The following KLKB1 variants were observed in gnomAD, a reference collection of about 807,000 sequenced individuals.
KLKB1 encodes kallikrein B1.
A neutral mutation model predicts 73.6 loss-of-function variants in KLKB1; 58 were observed. The ratio of observed to expected loss-of-function variants is 0.79; its 90% CI spans 0.64 to 0.98. KLKB1 has a LOEUF of 0.98. KLKB1 is among the 50% of genes least tolerant of loss of function. The pLI, the probability that KLKB1 is intolerant of heterozygous loss-of-function variation, is 0.00. For missense variants in KLKB1, 737 were observed against 763.8 expected, an observed-to-expected ratio of 0.96 and a Z score of 0.41; for synonymous variants, 280 against 258.1, an observed-to-expected ratio of 1.08 and a Z score of -0.81.
At chr4:186,226,403 A>C (rs956415526), upstream of KLKB1, 1 of 152,280 alleles carries the variant, frequency 6.6e-6, no homozygotes, top group Admixed American at 6.5e-5. Context: ...TTCAGCAGAG[A>C]AAGCCATTCA....
chr4:186,237,262 C>G (rs1737744845), intron 5 of KLKB1, among the ~76,000 whole-genome samples: 2 of 152,182 alleles, frequency 1.3e-5, no homozygotes, highest in Non-Finnish European at 2.9e-5. Flanking sequence ...CCATGCCTGG[C>G]TAATTTTTGT....
At chr4:186,215,437 C>A (rs948313815) in intron 2 of KLKB1, among the ~76,000 whole-genome samples, 2 of 146,770 alleles carry the variant, frequency 1.4e-5, no homozygotes, top group African/African-American at 5.0e-5. Context: ...CTCTCTCTCT[C>A]CTTGCTTGCT....
At chr4:186,215,262 A>AG (rs923108228) in intron 2 of KLKB1, among the ~76,000 whole-genome samples, 5 of 148,896 alleles carry the variant, frequency 3.4e-5, no homozygotes, top group African/African-American at 1.2e-4. Context: ...AAAAAAAAAT[A>AG]TGTAGGCACA....
chr4:186,214,395 G>A (rs1038763170), intron 2 of KLKB1, among the ~76,000 whole-genome samples: 1 of 152,158 alleles, frequency 6.6e-6, no homozygotes, highest in African/African-American at 2.4e-5. Context: ...GTGTGTGTCA[G>A]GTCAGCCGAA....
intron 4 of KLKB1, among the ~76,000 whole-genome samples, chr4:186,234,724 C>G (rs898480261): frequency 1.3e-5 from 2 of 152,152 alleles, no homozygotes; most frequent in Non-Finnish European, 2.9e-5. Flanking sequence ...GACTAGGATG[C>G]TAGAGAACTT....
rs769546755 is a variant in KLKB1, at chr4:186,254,781, G to A, written c.1489+18G>A. On this transcript the variant is annotated intron_variant, in intron 12 of 14. Transcript: ENST00000264690. ...TTACACTGGTATGTAGCATATGTAA[G>A]AAGGTGGAGAGCAGAATTGCGCTGG... 6.2e-7 allele frequency: 1 copy of A among 1,600,842 alleles called. No homozygotes were observed. Among genetic ancestry groups the A allele is most frequent in the Non-Finnish European group, 8.6e-7 (1 of 1,168,106 alleles).
chr4:186,218,779 T>C (rs1736966653), intron 2 of KLKB1, among the ~76,000 whole-genome samples: 1 of 152,066 alleles, frequency 6.6e-6, no homozygotes, highest in Admixed American at 6.6e-5. Flanking sequence ...ACAGAACTAA[T>C]AGGATAGATG....
intron 6 of KLKB1, among the ~76,000 whole-genome samples, chr4:186,238,946 C>T (rs1238496665): frequency 1.4e-5 from 2 of 139,542 alleles, no homozygotes; most frequent in Admixed American, 7.4e-5. Flanking sequence ...TTATAGGAAA[C>T]TAGTACAGTG....
intron 7 of KLKB1, among the ~76,000 whole-genome samples, chr4:186,250,785 G>T (rs1738627081): frequency 6.6e-6 from 1 of 152,184 alleles, no homozygotes; most frequent in Admixed American, 6.5e-5. Flanking sequence ...CTTTGTTTCA[G>T]AAACTAGAGC....
chr4:186,220,457 C>A (rs1423881911), intron 2 of KLKB1, among the ~76,000 whole-genome samples: 1 of 152,162 alleles, frequency 6.6e-6, no homozygotes, highest in Admixed American at 6.5e-5. Context: ...ACCTTTTGAC[C>A]AAAACCACCC....
At position 186,251,295 on chromosome 4, in the gene KLKB1, T is replaced by G; in HGVS notation, c.835T>G (p.Tyr279Asp). The change falls in exon 8 of 15, where the codon TAT (tyrosine) becomes GAT (aspartate). Residue 279 changes from tyrosine to aspartate, a missense_variant. By Grantham distance (160) the Tyr-to-Asp change is radical (BLOSUM62 -3). Coordinates refer to ENST00000264690, the MANE Select transcript of KLKB1 (RefSeq NM_000892.5). Reference sequence around the variant, plus strand: ...TCCTCAAGAAAACACCATATCTGGATATAGCCTTTTAACCTGCAAAAGAAC... The same window carrying G: ...TCCTCAAGAAAACACCATATCTGGAGATAGCCTTTTAACCTGCAAAAGAAC... ...STPQENTISG[Y>D]SLLTCKRTLP... is the part of the protein sequence containing the mutation. 6.2e-7 allele frequency: 1 copy of G among 1,610,916 alleles called. No individual in the cohort carries two copies. Among genetic ancestry groups the G allele is most frequent in the South Asian group, 1.1e-5 (1 of 90,960 alleles).
At chr4:186,246,643 A>C (rs1738371489) in intron 6 of KLKB1, among the ~76,000 whole-genome samples, 1 of 152,112 alleles carries the variant, frequency 6.6e-6, no homozygotes, top group South Asian at 2.1e-4. Context: ...AGGGAGAAGA[A>C]GGAGGAATGG....
intron 2 of KLKB1, among the ~76,000 whole-genome samples, chr4:186,230,996 G>T (rs949264920): frequency 6.6e-6 from 1 of 152,108 alleles, no homozygotes; most frequent in Non-Finnish European, 1.5e-5. Flanking sequence ...CCCGAGAGGT[G>T]GTCATCTTGG....
chr4:186,257,352 A>G lies in KLKB1; in HGVS notation c.1712A>G (p.Lys571Arg). Residue 571 changes from lysine to arginine, a missense_variant, in exon 14 of 15, where the codon AAA (lysine) becomes AGA (arginine). Transcript: ENST00000264690. ...TGTGCTGGCTATAAAGAAGGGGGAA[A>G]AGATGCTTGTAAGGTAACTCATGAG... is the stretch of plus-strand genomic sequence containing the variant. ...MVCAGYKEGG[K>R]DACKGDSGGP... is the part of the protein sequence containing the mutation. 1 of 1,589,900 alleles carries G rather than the reference A, an allele frequency of 6.3e-7. No individual in the cohort carries two copies. The highest frequency in any genetic ancestry group is 2.3e-5 in the East Asian group (1 of 43,882).
In KLKB1 at chr4:186,251,496, A is replaced by G; in HGVS notation, c.878A>G (p.His293Arg). 6.2e-7 allele frequency: 1 copy of G among 1,613,836 alleles called. No individual in the cohort carries two copies. Among genetic ancestry groups the G allele is most frequent in the East Asian group, 2.2e-5 (1 of 44,868 alleles). Residue 293 changes from histidine to arginine, a missense_variant, in exon 9 of 15, where the codon CAT becomes CGT. By Grantham distance (29) the His-to-Arg change is conservative. Transcript: ENST00000264690. ...TCKRTLPEPC[H>R]SKIYPGVDFG... ...TTTATAATTGACACAGAACCCTGCCATTCTAAAATTTACCCGGGAGTTGAC... is the reference window on the plus strand; with the variant it reads ...TTTATAATTGACACAGAACCCTGCCGTTCTAAAATTTACCCGGGAGTTGAC...
At position 186,256,076 on chromosome 4, in the gene KLKB1, C is replaced by T. The variant is rs200977094; in HGVS notation, c.1574C>T (p.Ser525Leu). 1.7e-5 allele frequency: 28 copies of T among 1,604,488 alleles called. No individual in the cohort carries two copies. Among genetic ancestry groups the T allele is most frequent in the East Asian group, 2.2e-5 (1 of 44,820 alleles). Residue 525 changes from serine to leucine, a missense_variant, in exon 13 of 15, where the codon TCG (serine) becomes TTG (leucine). Physicochemically the swap from Ser to Leu is moderately radical, Grantham distance 145. Coordinates refer to ENST00000264690, the MANE Select transcript of KLKB1 (RefSeq NM_000892.5). ...TGTTGGGTAACCGGATGGGGCTTCTCGAAGGAGAAAGGTAAGCATGACGCT... is the reference window on the plus strand; with the variant it reads ...TGTTGGGTAACCGGATGGGGCTTCTTGAAGGAGAAAGGTAAGCATGACGCT... Reference protein sequence around the residue: ...TNCWVTGWGFSKEKGEIQNIL... With the variant: ...TNCWVTGWGFLKEKGEIQNIL...
rs142304505 is a variant in KLKB1 at position 186,238,319 on chromosome 4, C to T, written c.552C>T (p.Asn184=). ...CTACCGCTATAAAGGTGCTGAGTAACGTGGAATCTGGATTCTCACTGAAGC... is the reference window on the plus strand; with the variant it reads ...CTACCGCTATAAAGGTGCTGAGTAATGTGGAATCTGGATTCTCACTGAAGC... ...GTPTAIKVLS[N]VESGFSLKPC... Residue 184 remains asparagine (N), a synonymous_variant, in exon 6 of 15, where the codon AAC becomes AAT. Transcript: ENST00000264690. 1,078 of 1,613,920 alleles carry T rather than the reference C, an allele frequency of 6.7e-4. 9 individuals are homozygous for T. In the African/African-American group the frequency reaches 0.013, roughly 19 times the overall value.
upstream of KLKB1, among the ~76,000 whole-genome samples, chr4:186,222,445 G>A (rs999303968): frequency 6.6e-6 from 1 of 151,826 alleles, no homozygotes; most frequent in African/African-American, 2.4e-5. Context: ...CTTTTTCTTT[G>A]TGGTTATCAT....
At position 186,251,575 on chromosome 4, in the gene KLKB1, A is replaced by G. The variant is rs1446493586; in HGVS notation, c.957A>G (p.Gln319=). 5 of 1,614,002 alleles carry G rather than the reference A, an allele frequency of 3.1e-6. No individual in the cohort carries two copies. Among genetic ancestry groups the G allele is most frequent in the Non-Finnish European group, 4.2e-6 (5 of 1,179,944 alleles). ...VTFVKGVNVC[Q]ETCTKMIRCQ... is the part of the protein sequence containing the mutation. Reference sequence around the variant, plus strand: ...TTGTTAAAGGAGTGAATGTTTGCCAAGAGACTTGCACAAAGATGATTCGCT... The same window carrying G: ...TTGTTAAAGGAGTGAATGTTTGCCAGGAGACTTGCACAAAGATGATTCGCT... Residue 319 remains glutamine, a synonymous_variant, in exon 9 of 15, where the codon CAA becomes CAG. Transcript: ENST00000264690.
Sources: allele counts gnomAD v4.1 joint callset (sites outside exome capture counted in the v4.1 genomes callset), GRCh38; gene constraint gnomAD v4.1.1; transcripts MANE v1.5; gene names NCBI Gene and HGNC (gene_info 2026-07-23, HGNC 2026-07-21).